ITGA1: variants seen among roughly 807,000 people sequenced by gnomAD.
The protein encoded by ITGA1 is integrin alpha-1.
A neutral mutation model predicts 145.9 loss-of-function variants in ITGA1; 85 were observed. The observed-to-expected ratio is 0.58, with a 90% CI of 0.49 to 0.70. ITGA1 has a LOEUF of 0.70. Ranked by LOEUF, ITGA1 falls within the 30% of genes least tolerant of loss-of-function variation. ITGA1 has a pLI of 0.00. For synonymous variants in ITGA1, 520 were observed against 495.3 expected (o/e 1.05, Z -0.66); for missense variants, 1,351 against 1,418.7 (o/e 0.95, Z 0.77).
intron 11 of ITGA1, chr5:52,902,390 T>C (rs1009202735): frequency 6.6e-6 from 1 of 152,210 alleles, no homozygotes; most frequent in Non-Finnish European, 1.5e-5. Flanking sequence ...CCATACAGCT[T>C]CCAAAGGAGA....
Position 52,905,917 on chromosome 5 carries a change from GA to G in ITGA1, c.1455+14del. 3 of 1,605,120 alleles carry G rather than the reference GA, an allele frequency of 1.9e-6. No individual in the cohort carries two copies. Among genetic ancestry groups the G allele is most frequent in the Non-Finnish European group, 2.6e-6 (3 of 1,174,798 alleles). On this transcript the variant is annotated intron_variant, in intron 12 of 28. Transcript: ENST00000282588. Reference sequence around the variant, plus strand: ...CGCTCAGTGGAGAACAGGTAAACTTGAAAAATATTCTTTTATTTAAATTAAT... The same window carrying G: ...CGCTCAGTGGAGAACAGGTAAACTTGAAAATATTCTTTTATTTAAATTAAT...
At chr5:52,872,720 C>T (rs1160853967) in intron 6 of ITGA1, among the ~76,000 whole-genome samples, 4 of 151,882 alleles carry the variant, frequency 2.6e-5, no homozygotes, top group East Asian at 1.9e-4. Context: ...GGGCCCTTGC[C>T]TTCCTTGTTC....
At chr5:52,875,724 T>C (rs950760581) in intron 6 of ITGA1, among the ~76,000 whole-genome samples, 16 of 152,184 alleles carry the variant, frequency 1.1e-4, no homozygotes, top group African/African-American at 3.9e-4. Context: ...GTTGCACCTT[T>C]TTAGCTGTCA....
At chr5:52,812,268 G>GT (rs1561215691) in intron 1 of ITGA1, among the ~76,000 whole-genome samples, 1 of 152,106 alleles carries the variant, frequency 6.6e-6, no homozygotes, top group African/African-American at 2.4e-5. Flanking sequence ...CGATCAATTT[G>GT]TGAATATTTA....
At chr5:52,803,181 G>C (rs1204177027) in intron 1 of ITGA1, 3 of 152,112 alleles carry the variant, frequency 2.0e-5, no homozygotes, top group Non-Finnish European at 4.4e-5. Flanking sequence ...GGGATTTCTT[G>C]TAAACTTCCT....
chr5:52,917,106 C>G (rs957171963), intron 15 of ITGA1, among the ~76,000 whole-genome samples: 1 of 152,130 alleles, frequency 6.6e-6, no homozygotes, highest in Non-Finnish European at 1.5e-5. Context: ...ATAGGAAAAA[C>G]GTTTGGAAGC....
In ITGA1 at chr5:52,953,928, T is replaced by C. The variant is rs544734713; in HGVS notation, c.*1477T>C. 6.7e-6 allele frequency: 1 copy of C among 150,114 alleles called. No individual in the cohort carries two copies. The highest frequency in any genetic ancestry group is 6.8e-5 in the Admixed American group (1 of 14,800). The allele number at this position is 150,114 out of a possible 1,614,324, so 9.3% of individuals were successfully genotyped here. A position where few individuals can be genotyped will look rare whatever the true frequency, so the allele number is the denominator to read the frequency against. On this transcript the variant is annotated 3_prime_UTR_variant, in exon 29 of 29. Transcript: ENST00000282588. ...TTGTTCAAAGAGGAGCAAATCCACA[T>C]AGAAATTAAATGTTATAAATTTATT...
chr5:52,829,727 A>G (rs1028523854), intron 1 of ITGA1, among the ~76,000 whole-genome samples: 11 of 152,170 alleles, frequency 7.2e-5, no homozygotes, highest in Non-Finnish European at 1.3e-4. Context: ...ATTGCCAAAT[A>G]CAGAGATTTC....
At chr5:52,799,997 C>G in intron 1 of ITGA1, 1 of 275,162 alleles carries the variant, frequency 3.6e-6, no homozygotes, top group Non-Finnish European at 7.1e-6. Flanking sequence ...CGCCTCACAG[C>G]TTAGTGCGCC....
chr5:52,798,790 A>G (rs1748396026), intron 1 of ITGA1, among the ~76,000 whole-genome samples: 1 of 152,176 alleles, frequency 6.6e-6, no homozygotes, highest in Non-Finnish European at 1.5e-5. Flanking sequence ...TTACATTGCC[A>G]TGGTAAATTT....
At chr5:52,912,954 G>A (rs1363174402) in intron 14 of ITGA1, among the ~76,000 whole-genome samples, 3 of 151,860 alleles carry the variant, frequency 2.0e-5, no homozygotes, top group Non-Finnish European at 4.4e-5. Flanking sequence ...CACCGTGTTA[G>A]CCAGGATGGT....
At chr5:52,811,594 C>T (rs768608023) in intron 1 of ITGA1, among the ~76,000 whole-genome samples, 10 of 152,124 alleles carry the variant, frequency 6.6e-5, no homozygotes, top group Admixed American at 1.3e-4. Context: ...CAAACACTCC[C>T]CTATTTTTAA....
At chr5:52,831,578 C>T (rs1177198568) in intron 1 of ITGA1, among the ~76,000 whole-genome samples, 1 of 150,022 alleles carries the variant, frequency 6.7e-6, no homozygotes, top group African/African-American at 2.4e-5. Flanking sequence ...ATAAAATTGG[C>T]ATCACAATAA....
At chr5:52,885,858 T>A (rs1750038277) in intron 7 of ITGA1, among the ~76,000 whole-genome samples, 2 of 152,240 alleles carry the variant, frequency 1.3e-5, no homozygotes, top group Admixed American at 6.5e-5. Context: ...AGTTTCTAAT[T>A]GGTAATGTTT....
At chr5:52,899,016 A>G (rs921827006) in intron 11 of ITGA1, among the ~76,000 whole-genome samples, 14 of 152,018 alleles carry the variant, frequency 9.2e-5, no homozygotes, top group African/African-American at 3.4e-4. Context: ...ATGCCAGGGA[A>G]CTCTCCCCTC....
At chr5:52,879,551 A>C (rs1236035295) in intron 6 of ITGA1, among the ~76,000 whole-genome samples, 1 of 152,182 alleles carries the variant, frequency 6.6e-6, no homozygotes, top group Non-Finnish European at 1.5e-5. Flanking sequence ...CTAATCAAAA[A>C]CTTTAGGGTC....
At chr5:52,806,730 GTTA>G (rs1455613292) in intron 1 of ITGA1, among the ~76,000 whole-genome samples, 2 of 152,000 alleles carry the variant, frequency 1.3e-5, no homozygotes, top group Admixed American at 1.3e-4. Context: ...TCAGTAACAT[GTTA>G]TTATATTGTG....
chr5:52,919,039 T>G, intron 16 of ITGA1, 141 bp downstream of exon 16: 1 of 684,630 alleles, frequency 1.5e-6, no homozygotes. Context: ...TGCAGAACCT[T>G]GAAAAAAAAT....
chr5:52,883,010 AG>A (rs1402747333), intron 7 of ITGA1: 1 of 152,216 alleles, frequency 6.6e-6, no homozygotes, highest in Non-Finnish European at 1.5e-5. Flanking sequence ...TTTCATGTAC[AG>A]CTTTTGCCTC....
Sources: allele counts gnomAD v4.1 joint callset (sites outside exome capture counted in the v4.1 genomes callset), GRCh38; gene constraint gnomAD v4.1.1; transcripts MANE v1.5; gene names NCBI Gene and HGNC (gene_info 2026-07-23, HGNC 2026-07-21).